CELF2: variants seen among roughly 807,000 people sequenced by gnomAD.
CELF2 encodes CUG triplet repeat RNA-binding protein 2.
CELF2 carries 8 observed loss-of-function variants against 62.6 expected under a neutral mutation model. The ratio of observed to expected loss-of-function variants is 0.13; its 90% CI spans 0.07 to 0.23. The LOEUF (loss-of-function observed/expected upper bound fraction) is 0.23, where lower values mean the gene tolerates loss of function less well. Among genes scored for constraint, CELF2 ranks in the 10% least tolerant of loss-of-function variants. CELF2 has a pLI of 1.00. For synonymous variants in CELF2, 258 were observed against 250.0 expected (o/e 1.03, Z -0.30); for missense variants, 333 against 671.0 (o/e 0.50, Z 5.56).
At chr10:10,736,396 C>CTTT in the CELF2 span, among the ~76,000 whole-genome samples, 169 of 75,982 alleles carry the variant, frequency 2.2e-3, 3 homozygotes, top group African/African-American at 7.9e-3. Context: ...TTCTTTCTTT[C>CTTT]TTTTTTTTTT....
the CELF2 span, among the ~76,000 whole-genome samples, chr10:10,697,768 A>G: frequency 6.6e-6 from 1 of 151,954 alleles, no homozygotes; most frequent in African/African-American, 2.4e-5. Context: ...CCCCAATACC[A>G]TCACCATGGA....
chr10:10,622,476 G>GTA, the CELF2 span, among the ~76,000 whole-genome samples: 4 of 151,846 alleles, frequency 2.6e-5, no homozygotes, highest in African/African-American at 7.3e-5. Context: ...GTGTGTGTGT[G>GTA]TGTATATATA....
At chr10:10,790,919 T>C in the CELF2 span, among the ~76,000 whole-genome samples, 4 of 152,142 alleles carry the variant, frequency 2.6e-5, no homozygotes, top group Non-Finnish European at 5.9e-5. Flanking sequence ...GCTTCAAATT[T>C]GGCCTCTGTC....
chr10:10,719,919 G>C, the CELF2 span, among the ~76,000 whole-genome samples: 1 of 152,126 alleles, frequency 6.6e-6, no homozygotes. Flanking sequence ...AAAAACAGCC[G>C]TTTTCAGTTC....
upstream of CELF2, chr10:10,798,281 C>T (rs1276768416): frequency 6.5e-6 from 1 of 152,936 alleles, no homozygotes; most frequent in Admixed American, 6.5e-5. Context: ...GGAAAGAAAC[C>T]TAACCAGTCT....
the CELF2 span, among the ~76,000 whole-genome samples, chr10:10,657,561 C>T: frequency 4.6e-5 from 7 of 152,066 alleles, no homozygotes; most frequent in South Asian, 4.2e-4. Flanking sequence ...AAGTTAGCAA[C>T]GTGACTAATT....
chr10:10,906,091 TAAAAA>T (rs1348574783), intron 1 of CELF2, among the ~76,000 whole-genome samples: 1 of 151,586 alleles, frequency 6.6e-6, no homozygotes, highest in African/African-American at 2.4e-5. Flanking sequence ...AAAATAAAAA[TAAAAA>T]AATAAAAGTT....
Position 11,005,376 on chromosome 10 carries a change from C to T in CELF2, c.-12C>T. ...CTGAACTGGCTTTTGTTGAGACTAT[C>T]AGTATAGAAGCATGCGCTGTCCCAA... On this transcript the variant is annotated 5_prime_UTR_variant, in exon 1 of 13. Transcript: ENST00000416382. The surrounding 1 kb of genome is among the most constrained non-coding windows in gnomAD (Gnocchi z 4.3). 1 of 1,613,392 alleles carries T rather than the reference C, an allele frequency of 6.2e-7. No homozygotes were observed. Among genetic ancestry groups the T allele is most frequent in the Non-Finnish European group, 8.5e-7 (1 of 1,179,658 alleles).
intron 8 of CELF2, among the ~76,000 whole-genome samples, chr10:11,276,936 G>C (rs1251257468): frequency 1.3e-5 from 2 of 152,238 alleles, no homozygotes; most frequent in African/African-American, 4.8e-5. Flanking sequence ...AAGGCAATCT[G>C]TATGTGCTCT....
At chr10:11,126,060 A>G (rs192518175) in intron 1 of CELF2, among the ~76,000 whole-genome samples, 2 of 152,306 alleles carry the variant, frequency 1.3e-5, no homozygotes, top group East Asian at 3.9e-4. Flanking sequence ...TCCTGCAGCT[A>G]TGCTGGCTTG....
At chr10:11,320,741 C>T in intron 10 of CELF2, 5 of 1,088,222 alleles carry the variant, frequency 4.6e-6, no homozygotes, top group Non-Finnish European at 6.6e-6. Flanking sequence ...CTTTCCTCCT[C>T]AGCCCTGCAA....
chr10:11,281,630 G>A (rs572709326), intron 8 of CELF2, among the ~76,000 whole-genome samples: 2 of 152,294 alleles, frequency 1.3e-5, no homozygotes, highest in East Asian at 3.9e-4. Context: ...GCAAGCGCCT[G>A]TAGTCCCAGC....
intron 2 of CELF2, among the ~76,000 whole-genome samples, chr10:10,976,506 CT>C (rs1184177558): frequency 6.6e-6 from 1 of 152,016 alleles, no homozygotes; most frequent in East Asian, 1.9e-4. Flanking sequence ...TTACCCTACT[CT>C]TTTTTTCATG....
At chr10:10,601,489 A>T in the CELF2 span, among the ~76,000 whole-genome samples, 2 of 152,220 alleles carry the variant, frequency 1.3e-5, no homozygotes, top group African/African-American at 4.8e-5. Context: ...AAGAGATGCC[A>T]TCCCTATGAC....
chr10:10,605,952 G>A, the CELF2 span, among the ~76,000 whole-genome samples: 17 of 152,284 alleles, frequency 1.1e-4, no homozygotes, highest in East Asian at 3.3e-3. Context: ...TGTAATGTAT[G>A]ATCTATGCTG....
chr10:11,238,633 C>G (rs1402687079), intron 3 of CELF2, among the ~76,000 whole-genome samples: 1 of 152,198 alleles, frequency 6.6e-6, no homozygotes, highest in Non-Finnish European at 1.5e-5. Context: ...ACAGTACCTT[C>G]TACTGAGATG....
intron 1 of CELF2, among the ~76,000 whole-genome samples, chr10:10,883,850 G>A (rs1445985217): frequency 6.6e-6 from 1 of 152,002 alleles, no homozygotes; most frequent in South Asian, 2.1e-4. Context: ...CAGATGATGA[G>A]GGCTAGGCAT....
the CELF2 span, among the ~76,000 whole-genome samples, chr10:10,479,170 T>A: frequency 6.6e-6 from 1 of 152,052 alleles, no homozygotes; most frequent in Non-Finnish European, 1.5e-5. Context: ...CTAAACTAAT[T>A]TTTTTTGTTG....
chr10:11,326,107 G>A, intron 12 of CELF2, 128 bp downstream of exon 12: 2 of 960,664 alleles, frequency 2.1e-6, no homozygotes, highest in South Asian at 3.7e-5. Context: ...CTGATTTTCT[G>A]GATCCTTGTA....
Sources: gnomAD v4.1 joint callset for allele counts (sites outside exome capture counted in the v4.1 genomes callset) on GRCh38, gnomAD v4.1.1 for gene constraint, Gnocchi (gnomAD v3.1) non-coding constraint, MANE v1.5 for transcripts, NCBI Gene and HGNC (gene_info 2026-07-23, HGNC 2026-07-21) for gene names.